Variants in PPP4R2 observed in about 807,000 individuals in gnomAD.
The protein encoded by PPP4R2 is protein phosphatase 4 regulatory subunit 2.
In PPP4R2, 13 loss-of-function variants were observed where a neutral mutation model predicts 47.2. The observed-to-expected ratio is 0.28, with a 90% CI of 0.18 to 0.44. The LOEUF is 0.44. Among genes scored for constraint, PPP4R2 ranks in the 20% least tolerant of loss-of-function variants. The pLI, the probability that PPP4R2 is intolerant of heterozygous loss-of-function variation, is 1.00. For synonymous variants in PPP4R2, 151 were observed against 163.3 expected, an observed-to-expected ratio of 0.92 and a Z score of 0.57; for missense variants, 421 against 491.2, an observed-to-expected ratio of 0.86 and a Z score of 1.35.
At chr3:73,008,830 C>CT (rs1412263307) in intron 2 of PPP4R2, among the ~76,000 whole-genome samples, 1 of 152,144 alleles carries the variant, frequency 6.6e-6, no homozygotes, top group Non-Finnish European at 1.5e-5. Flanking sequence ...GGAATGAACT[C>CT]TGATTGGACA....
intron 2 of PPP4R2, among the ~76,000 whole-genome samples, chr3:73,009,092 A>T (rs946306780): frequency 1.3e-5 from 2 of 152,162 alleles, no homozygotes; most frequent in African/African-American, 2.4e-5. Context: ...GATTTTCATC[A>T]CTTAAGTTAC....
rs1043640154 is a variant in PPP4R2, at chr3:73,062,190, A to G, written c.419+1130A>G. The stretch of plus-strand genomic sequence containing the variant: ...TTTTAGACCTATGATTCTTAACAAA[A>G]TTAAAGAATTAAGTCGGAACCAATT... On this transcript the variant is annotated intron_variant, in intron 5 of 8. Transcript: ENST00000356692. 16 of 1,567,326 alleles carry G rather than the reference A, an allele frequency of 1.0e-5. No individual in the cohort carries two copies. The East Asian group carries it at 1.1e-4, about 11-fold the overall frequency.
chr3:73,063,830 G>A (rs1394781674), intron 6 of PPP4R2, 83 bp downstream of exon 6: 10 of 1,183,348 alleles, frequency 8.5e-6, no homozygotes, highest in Non-Finnish European at 1.2e-5. Flanking sequence ...TTTAAAAATT[G>A]GGCATTTTAT....
At chr3:73,024,665 C>CTCCTT (rs979828751) in intron 2 of PPP4R2, among the ~76,000 whole-genome samples, 9 of 152,248 alleles carry the variant, frequency 5.9e-5, no homozygotes, top group East Asian at 3.9e-4. Context: ...CTCCCTCCTT[C>CTCCTT]TCCTTTCCTT....
chr3:73,013,858 C>A (rs1314160849), intron 2 of PPP4R2, among the ~76,000 whole-genome samples: 1 of 152,180 alleles, frequency 6.6e-6, no homozygotes, highest in Non-Finnish European at 1.5e-5. Flanking sequence ...CCAGGCTGGT[C>A]TCAAACTCTT....
intron 1 of PPP4R2, 131 bp downstream of exon 1, chr3:72,997,202 C>G (rs1406481113): frequency 5.0e-6 from 3 of 603,504 alleles, no homozygotes; most frequent in East Asian, 7.0e-5. Context: ...GCTCCCATCC[C>G]CCTCCACCTC....
chr3:73,052,702 C>G (rs1172163993), intron 3 of PPP4R2, among the ~76,000 whole-genome samples: 1 of 152,154 alleles, frequency 6.6e-6, no homozygotes, highest in Non-Finnish European at 1.5e-5. Flanking sequence ...GTTAATCTCT[C>G]AAGTCTTGAC....
intron 3 of PPP4R2, among the ~76,000 whole-genome samples, chr3:73,049,169 T>C (rs1452398207): frequency 6.6e-6 from 1 of 152,148 alleles, no homozygotes; most frequent in Non-Finnish European, 1.5e-5. Flanking sequence ...TTGCATAAGA[T>C]TTACTGTTGA....
At chr3:73,027,548 G>C (rs1702089893) in intron 2 of PPP4R2, among the ~76,000 whole-genome samples, 1 of 152,140 alleles carries the variant, frequency 6.6e-6, no homozygotes, top group African/African-American at 2.4e-5. Context: ...TTCCCACAGA[G>C]TGGGCTTCAG....
At chr3:73,035,136 A>C (rs6803336) in intron 2 of PPP4R2, among the ~76,000 whole-genome samples, 4 of 152,222 alleles carry the variant, frequency 2.6e-5, no homozygotes. Context: ...GAACATTTTC[A>C]GAAGACATAC....
chr3:73,034,857 A>AAC (rs1702234326), intron 2 of PPP4R2, among the ~76,000 whole-genome samples: 1 of 151,842 alleles, frequency 6.6e-6, no homozygotes, highest in African/African-American at 2.4e-5. Flanking sequence ...AAAAAAAAAA[A>AAC]AACATTTCCA....
chr3:73,062,714 A>G (rs547711742), intron 5 of PPP4R2: 5 of 1,614,040 alleles, frequency 3.1e-6, no homozygotes, highest in South Asian at 1.1e-5. Context: ...TTCAGAGACG[A>G]TTCAAGGCAA....
chr3:73,049,661 T>C (rs1004697576), intron 3 of PPP4R2, among the ~76,000 whole-genome samples: 1 of 151,850 alleles, frequency 6.6e-6, no homozygotes, highest in Non-Finnish European at 1.5e-5. Context: ...TTTGTAAGCA[T>C]ATTTACTTGT....
intron 5 of PPP4R2, chr3:73,062,640 T>G: frequency 6.2e-7 from 1 of 1,614,038 alleles, no homozygotes. Flanking sequence ...CCGCCACTGC[T>G]GTGACCTTTT....
At chr3:73,002,736 G>A (rs1290623808) in intron 2 of PPP4R2, among the ~76,000 whole-genome samples, 1 of 148,500 alleles carries the variant, frequency 6.7e-6, no homozygotes, top group Non-Finnish European at 1.5e-5. Flanking sequence ...CTGCCTCCTG[G>A]GTTCAAGCGA....
intron 2 of PPP4R2, among the ~76,000 whole-genome samples, chr3:73,034,613 G>A (rs1257334745): frequency 6.6e-6 from 1 of 152,052 alleles, no homozygotes; most frequent in Non-Finnish European, 1.5e-5. Flanking sequence ...GCTCACTGCA[G>A]CCTTGAACTT....
chr3:73,020,551 T>A (rs1701938092), intron 2 of PPP4R2, among the ~76,000 whole-genome samples: 1 of 150,882 alleles, frequency 6.6e-6, no homozygotes, highest in African/African-American at 2.4e-5. Flanking sequence ...GTGCCTGTAG[T>A]CTCAGCTACT....
In PPP4R2 at chr3:73,035,128, A is replaced by G. The variant is rs573407447; in HGVS notation, c.117-12058A>G. Among the ~76,000 whole-genome samples, 8 of 152,350 alleles carry G rather than the reference A, an allele frequency of 5.3e-5. No homozygotes were observed. The East Asian group carries it at 1.5e-3, about 29-fold the overall frequency. ...CAATTAAAATGGGCTAATTATCTGAACATTTTCAGAAGACATACAGGTATG... is the reference window on the plus strand; with the variant it reads ...CAATTAAAATGGGCTAATTATCTGAGCATTTTCAGAAGACATACAGGTATG... On this transcript the variant is annotated intron_variant, in intron 2 of 8. Coordinates refer to ENST00000356692, the MANE Select transcript of PPP4R2 (RefSeq NM_174907.4).
At chr3:73,010,138 C>T (rs746426134) in intron 2 of PPP4R2, among the ~76,000 whole-genome samples, 2 of 152,136 alleles carry the variant, frequency 1.3e-5, no homozygotes, top group African/African-American at 4.8e-5. Context: ...TAATAATGCC[C>T]TTAGTGGTAT....
Sources: allele counts gnomAD v4.1 joint callset (sites outside exome capture counted in the v4.1 genomes callset), GRCh38; gene constraint gnomAD v4.1.1; transcripts MANE v1.5; gene names NCBI Gene and HGNC (gene_info 2026-07-23, HGNC 2026-07-21).